COP1: variants seen among roughly 807,000 people sequenced by gnomAD.
The protein encoded by COP1 is COP1 E3 ubiquitin ligase, also known as E3 ubiquitin-protein ligase COP1.
In COP1, 24 loss-of-function variants were observed where a neutral mutation model predicts 101.3. The ratio of observed to expected loss-of-function variants is 0.24; its 90% confidence interval spans 0.17 to 0.33. COP1 has a LOEUF of 0.33. COP1 is among the 10% of genes least tolerant of loss of function. The probability of loss-of-function intolerance (pLI) is 1.00; values close to 1 mark genes in which losing one functional copy is unlikely to be tolerated. For missense variants in COP1, 663 were observed against 906.2 expected, an observed-to-expected ratio of 0.73 and a Z score of 3.45; for synonymous variants, 347 against 341.9, an observed-to-expected ratio of 1.01 and a Z score of -0.17.
intron 18 of COP1, among the ~76,000 whole-genome samples, chr1:175,972,517 T>C (rs1571316179): frequency 6.8e-6 from 1 of 147,600 alleles, no homozygotes; most frequent in Non-Finnish European, 1.5e-5. Flanking sequence ...CAGAATGGAG[T>C]GCAGTGGTGT....
rs75803805 is a variant in COP1, at chr1:176,200,348, C to T, written c.407+6224G>A. On this transcript the variant is annotated intron_variant, in intron 1 of 19. Transcript: ENST00000367669. ...TTGAGTTTCAAATATCTAAAAGAAC[C>T]CCCAAAACAGTCGTAATTTTTACAA... is the stretch of plus-strand genomic sequence containing the variant. Among the ~76,000 whole-genome samples, 6 of 152,188 alleles carry T rather than the reference C, an allele frequency of 3.9e-5. No individual in the cohort carries two copies. In the South Asian group the frequency reaches 1.2e-3, roughly 32 times the overall value.
At chr1:175,982,307 T>C (rs925087409) in intron 18 of COP1, 1 of 452,560 alleles carries the variant, frequency 2.2e-6, no homozygotes, top group Non-Finnish European at 4.4e-6. Context: ...AATAAATGGA[T>C]AAGAAAACAT....
At chr1:175,957,391 C>T (rs1185701230) in intron 18 of COP1, among the ~76,000 whole-genome samples, 1 of 152,142 alleles carries the variant, frequency 6.6e-6, no homozygotes, top group African/African-American at 2.4e-5. Context: ...TGTGTTACAA[C>T]TGCCTACACT....
chr1:175,972,483 T>TTTTA (rs1553281799), intron 18 of COP1, among the ~76,000 whole-genome samples: 1 of 150,012 alleles, frequency 6.7e-6, no homozygotes, highest in African/African-American at 2.5e-5. Context: ...TTTTTTTTTT[T>TTTTA]GAGACAGAGT....
At chr1:175,980,591 C>T (rs1347505069) in intron 18 of COP1, among the ~76,000 whole-genome samples, 1 of 152,096 alleles carries the variant, frequency 6.6e-6, no homozygotes, top group Non-Finnish European at 1.5e-5. Context: ...ATCCTGATCC[C>T]TGCCTCCCCT....
At chr1:176,026,422 T>C (rs1220224823) in intron 15 of COP1, among the ~76,000 whole-genome samples, 5 of 152,100 alleles carry the variant, frequency 3.3e-5, no homozygotes, top group Admixed American at 2.6e-4. Flanking sequence ...CAAACAGCTC[T>C]ACCTCTATGT....
rs186174780 is a variant in COP1, at chr1:176,163,580, T to C, written c.642+235A>G. ...AAAATAATCCTTCAAATGTCAAGTATTCAAAGACAAATGTTTCAATATAAT... is the reference window on the plus strand; with the variant it reads ...AAAATAATCCTTCAAATGTCAAGTACTCAAAGACAAATGTTTCAATATAAT... On this transcript the variant is annotated intron_variant, in intron 4 of 19. Transcript: ENST00000367669. 6.4e-3 allele frequency among the ~76,000 whole-genome samples: 979 copies of C among 152,282 alleles called. 6 individuals carry two copies. Among genetic ancestry groups the C allele is most frequent in the Non-Finnish European group, 0.01 (701 of 68,016 alleles).
intron 15 of COP1, among the ~76,000 whole-genome samples, chr1:176,011,558 A>G (rs572956575): frequency 1.2e-4 from 19 of 152,198 alleles, no homozygotes; most frequent in Non-Finnish European, 2.2e-4. Flanking sequence ...TTATCATACC[A>G]TCTTAACAAT....
At chr1:176,057,426 A>AC (rs1297097927) in intron 11 of COP1, among the ~76,000 whole-genome samples, 4 of 150,630 alleles carry the variant, frequency 2.7e-5, no homozygotes, top group Non-Finnish European at 5.9e-5. Context: ...GCTCACTGCA[A>AC]CCCCCCTGCC....
chr1:176,043,277 G>GA lies in COP1; in HGVS notation c.1531-11dup, dbSNP rs1557988581. 1 of 1,563,594 alleles carries GA rather than the reference G, an allele frequency of 6.4e-7. No individual in the cohort carries two copies. Among genetic ancestry groups the GA allele is most frequent in the Admixed American group, 1.7e-5 (1 of 59,356 alleles). ...ACCTCTTCTCATGCTCCTGGAAGCA[G>GA]AAAGAAGACAGTAGCCTCAGATAGA... On this transcript the variant is annotated splice_polypyrimidine_tract_variant and intron_variant, in intron 13 of 19. Coordinates refer to ENST00000367669, the MANE Select transcript of COP1 (RefSeq NM_022457.7).
At chr1:176,143,990 C>T (rs1329425972) in intron 6 of COP1, among the ~76,000 whole-genome samples, 2 of 152,100 alleles carry the variant, frequency 1.3e-5, no homozygotes, top group African/African-American at 4.8e-5. Flanking sequence ...AAAAAACCTA[C>T]AGAAAACATC....
In COP1 at chr1:176,206,892, C is replaced by G. The variant is rs1159103314; in HGVS notation, c.87G>C (p.Ser29=). The change falls in exon 1 of 20, where the codon TCG becomes TCC. Residue 29 remains serine, a synonymous_variant. Coordinates refer to ENST00000367669, the MANE Select transcript of COP1 (RefSeq NM_022457.7). ...SAASSVTSAS[S]SLSSSPSPPS... The stretch of plus-strand genomic sequence containing the variant: ...GCGGCGACGGGGAAGAGGATAAAGA[C>G]GAGGAGGCGGAAGTCACCGAGGAGG... 1.4e-6 allele frequency: 2 copies of G among 1,465,424 alleles called. No individual in the cohort carries two copies. The highest frequency in any genetic ancestry group is 1.8e-6 in the Non-Finnish European group (2 of 1,114,120). The allele number at this position is 1,465,424 out of a possible 1,614,324, so 90.8% of individuals were successfully genotyped here.
chr1:176,018,263 C>T (rs1666030340), intron 15 of COP1, among the ~76,000 whole-genome samples: 1 of 152,166 alleles, frequency 6.6e-6, no homozygotes, highest in Non-Finnish European at 1.5e-5. Flanking sequence ...CTTATCTGCA[C>T]ATTAGATTAA....
Position 176,153,154 on chromosome 1 carries a change from T to C in COP1, c.763-4080A>G, listed in dbSNP as rs185408552. Among the ~76,000 whole-genome samples, 94 of 152,248 alleles carry C rather than the reference T, an allele frequency of 6.2e-4. 1 individual carries two copies. Among genetic ancestry groups the C allele is most frequent in the South Asian group, 1.2e-3 (6 of 4,818 alleles). ...CTCCAGTTCTCAATTCTAGCCTCTT[T>C]CATCAAATTTTCTATTCTCACTTTG... On this transcript the variant is annotated intron_variant, in intron 5 of 19. Transcript: ENST00000367669.
chr1:176,077,998 G>C (rs1678372652), intron 11 of COP1, among the ~76,000 whole-genome samples: 2 of 152,140 alleles, frequency 1.3e-5, no homozygotes, highest in South Asian at 4.1e-4. Context: ...AATCGAAGAT[G>C]ACACAAATAA....
rs551445130 is a variant in COP1 at position 176,091,340 on chromosome 1, C to T, written c.1027-5450G>A. Among the ~76,000 whole-genome samples, 46 of 115,946 alleles carry T rather than the reference C, an allele frequency of 4.0e-4. No individual in the cohort carries two copies. In the East Asian group the frequency reaches 6.3e-3, roughly 16 times the overall value. 76.1% of individuals were successfully genotyped at this position (115,946 alleles called of 152,430 possible). On this transcript the variant is annotated intron_variant, in intron 9 of 19. Coordinates refer to ENST00000367669, the MANE Select transcript of COP1 (RefSeq NM_022457.7). ...AAGCCTGGGCAACAGAGCGAGACTC[C>T]GTCTCAAAAAAAAAAAAACAAAAAA...
At chr1:176,073,642 C>T (rs1558051744) in intron 11 of COP1, among the ~76,000 whole-genome samples, 1 of 152,164 alleles carries the variant, frequency 6.6e-6, no homozygotes, top group Non-Finnish European at 1.5e-5. Flanking sequence ...CCATCTTCTA[C>T]TTATGAGAGT....
chr1:176,111,077 G>A (rs57469471), intron 9 of COP1, among the ~76,000 whole-genome samples: 8,100 of 152,022 alleles, frequency 0.053, 466 homozygotes, highest in Middle Eastern at 0.14. Context: ...ACCTGAACCC[G>A]GGAGGCGGAG....
chr1:176,004,850 C>A (rs375586582), intron 15 of COP1, among the ~76,000 whole-genome samples: 23 of 151,576 alleles, frequency 1.5e-4, no homozygotes, highest in Non-Finnish European at 7.4e-5. Flanking sequence ...TTGGTGTCAG[C>A]ATGATGCTGG....
Sources: allele counts gnomAD v4.1 joint callset (sites outside exome capture counted in the v4.1 genomes callset), GRCh38; gene constraint gnomAD v4.1.1; transcripts MANE v1.5; gene names NCBI Gene and HGNC (gene_info 2026-07-23, HGNC 2026-07-21).